The following NR2C1 variants were observed in gnomAD, a reference collection of about 807,000 sequenced individuals.
The protein encoded by NR2C1 is TR2 nuclear hormone receptor.
A neutral mutation model predicts 74.8 loss-of-function variants in NR2C1; 33 were observed. The ratio of observed to expected loss-of-function variants is 0.44; its 90% CI spans 0.33 to 0.59. The LOEUF is 0.59. Among genes scored for constraint, NR2C1 ranks in the 20% least tolerant of loss-of-function variants. NR2C1 has a pLI of 0.02. For missense variants in NR2C1, 568 were observed against 715.6 expected (o/e 0.79, Z 2.35); for synonymous variants, 225 against 240.6 (o/e 0.94, Z 0.60).
intron 8 of NR2C1, chr12:95,049,513 G>A (rs749011497): frequency 2.2e-4 from 50 of 226,054 alleles, no homozygotes; most frequent in Admixed American, 3.2e-4. Context: ...ATATTTTATC[G>A]CTTGAGTCCA....
At chr12:95,032,584 C>T (rs1870280736) in intron 10 of NR2C1, among the ~76,000 whole-genome samples, 1 of 152,162 alleles carries the variant, frequency 6.6e-6, no homozygotes, top group East Asian at 1.9e-4. Context: ...ATTAGGCAAA[C>T]TTCCCAGGTC....
intron 3 of NR2C1, 49 bp from the exon 4 acceptor site, chr12:95,060,033 T>TACTCAAC (rs774054939): frequency 2.9e-5 from 39 of 1,366,696 alleles, no homozygotes; most frequent in Admixed American, 2.7e-4. Flanking sequence ...AACCTGTTGT[T>TACTCAAC]ACTCAACAGC....
At position 95,034,953 on chromosome 12, in the gene NR2C1, TA is replaced by T. The variant is rs34233750; in HGVS notation, c.1254-3466del. On this transcript the variant is annotated intron_variant, in intron 10 of 13. Coordinates refer to ENST00000333003, the MANE Select transcript of NR2C1 (RefSeq NM_003297.4). ...CATGCCTATACTAACATGACCATAC[TA>T]AAAAAAGTGGGCGAAAATACATACA... Among the ~76,000 whole-genome samples, 3 of 152,166 alleles carry T rather than the reference TA, an allele frequency of 2.0e-5. No homozygotes were observed. In the South Asian group the frequency reaches 6.2e-4, roughly 32 times the overall value.
intron 3 of NR2C1, 52 bp downstream of exon 3, chr12:95,062,456 A>C: frequency 1.5e-5 from 19 of 1,289,744 alleles, no homozygotes; most frequent in Non-Finnish European, 2.0e-5. Context: ...CTTATGATTA[A>C]AATTTTTTTT....
At chr12:95,052,979 G>C (rs574655544) in intron 7 of NR2C1, among the ~76,000 whole-genome samples, 1 of 151,482 alleles carries the variant, frequency 6.6e-6, no homozygotes, top group Non-Finnish European at 1.5e-5. Context: ...GTAAGATACT[G>C]ATCTATTTGT....
chr12:95,031,724 A>G (rs1870135634), intron 10 of NR2C1, among the ~76,000 whole-genome samples: 1 of 152,246 alleles, frequency 6.6e-6, no homozygotes, highest in Non-Finnish European at 1.5e-5. Flanking sequence ...AATTGCAAGT[A>G]ATATTCAAAC....
Position 95,031,361 on chromosome 12 carries a change from T to C in NR2C1, c.1381A>G (p.Ser461Gly). 1 of 1,598,558 alleles carries C rather than the reference T, an allele frequency of 6.3e-7. No homozygotes were observed. The highest frequency in any genetic ancestry group is 8.5e-7 in the Non-Finnish European group (1 of 1,174,186). ...AGGTGCTTTTTACCTTGTTGAAGAC[T>C]ATTGTGAAGACAATTGACAAATGTT... ...LATFVNCLHN[S>G]LQQDKMSTER... is the part of the protein sequence containing the mutation. Residue 461 changes from serine to glycine, a missense_variant, in exon 11 of 14, where the codon AGT (serine) becomes GGT (glycine). Physicochemically the swap from Ser to Gly is moderately conservative, Grantham distance 56. Transcript: ENST00000333003.
intron 1 of NR2C1, among the ~76,000 whole-genome samples, chr12:95,068,220 C>CT (rs1876024238): frequency 6.6e-6 from 1 of 152,146 alleles, no homozygotes; most frequent in Non-Finnish European, 1.5e-5. Context: ...GGTCTTCCCT[C>CT]TGAGTGTCTG....
chr12:95,048,854 C>T (rs1269012648), intron 9 of NR2C1, among the ~76,000 whole-genome samples: 1 of 151,980 alleles, frequency 6.6e-6, no homozygotes, highest in Non-Finnish European at 1.5e-5. Flanking sequence ...GAACTCCTGA[C>T]CTCAGGTGAT....
chr12:95,022,634 G>A (rs1250033142), intron 13 of NR2C1, among the ~76,000 whole-genome samples: 1 of 151,988 alleles, frequency 6.6e-6, no homozygotes, highest in East Asian at 1.9e-4. Context: ...ATGCTACACT[G>A]TACTGCCTCC....
intron 7 of NR2C1, among the ~76,000 whole-genome samples, chr12:95,054,342 C>G (rs1296972846): frequency 1.3e-5 from 2 of 151,548 alleles, no homozygotes; most frequent in African/African-American, 4.9e-5. Context: ...AGAGACACTC[C>G]TATCGCCTAG....
chr12:95,063,691 T>C (rs1318603505), intron 2 of NR2C1, among the ~76,000 whole-genome samples: 4 of 142,554 alleles, frequency 2.8e-5, no homozygotes, highest in Non-Finnish European at 6.1e-5. Flanking sequence ...AAAAAAGAAG[T>C]ATAAAAAAAG....
chr12:95,048,200 A>G (rs1157396355), intron 9 of NR2C1, among the ~76,000 whole-genome samples: 1 of 152,150 alleles, frequency 6.6e-6, no homozygotes, highest in African/African-American at 2.4e-5. Flanking sequence ...TACTGCGATG[A>G]CAGGTGGGAG....
At chr12:95,056,213 C>A (rs1202314199) in intron 7 of NR2C1, among the ~76,000 whole-genome samples, 2 of 152,048 alleles carry the variant, frequency 1.3e-5, no homozygotes, top group Non-Finnish European at 2.9e-5. Context: ...CTGCAGCAAG[C>A]CATTACTGTG....
At chr12:95,059,878 GT>G (rs1874493455) in intron 4 of NR2C1, 27 bp downstream of exon 4, 6 of 1,468,870 alleles carry the variant, frequency 4.1e-6, no homozygotes, top group Middle Eastern at 1.8e-4. Flanking sequence ...TTTTTTTTCT[GT>G]TTTTAGGAGG....
At chr12:95,041,457 G>A (rs533278139) in intron 9 of NR2C1, among the ~76,000 whole-genome samples, 2 of 152,088 alleles carry the variant, frequency 1.3e-5, no homozygotes, top group East Asian at 3.9e-4. Flanking sequence ...ACTCCAGCCT[G>A]GGCAACAGAG....
chr12:95,054,749 T>G (rs1873577800), intron 7 of NR2C1, among the ~76,000 whole-genome samples: 2 of 152,210 alleles, frequency 1.3e-5, no homozygotes, highest in Admixed American at 1.3e-4. Context: ...CTAACTAGAT[T>G]CTTTTTTATT....
At chr12:95,025,127 A>C in intron 13 of NR2C1, 23 bp downstream of exon 13, 1 of 1,063,856 alleles carries the variant, frequency 9.4e-7, no homozygotes, top group Non-Finnish European at 1.4e-6. Flanking sequence ...TATTTTAATT[A>C]TATAGAATTT....
chr12:95,067,994 C>A (rs1360171493), intron 1 of NR2C1, among the ~76,000 whole-genome samples: 1 of 151,102 alleles, frequency 6.6e-6, no homozygotes, highest in African/African-American at 2.4e-5. Context: ...CATTCTCCTG[C>A]CTCAGCCTCC....
Sources: gnomAD v4.1 joint callset for allele counts (sites outside exome capture counted in the v4.1 genomes callset) on GRCh38, gnomAD v4.1.1 for gene constraint, MANE v1.5 for transcripts, NCBI Gene and HGNC (gene_info 2026-07-23, HGNC 2026-07-21) for gene names.